HBG1: variants seen among roughly 807,000 people sequenced by gnomAD.
The protein encoded by HBG1 is hemoglobin subunit gamma 1.
A neutral mutation model predicts 5.9 loss-of-function variants in HBG1; 1 was observed. The ratio of observed to expected loss-of-function variants is 0.17; its 90% CI spans 0.06 to 0.81. HBG1 has a LOEUF of 0.81. HBG1 is among the 30% of genes least tolerant of loss of function. The pLI is 0.73. For missense variants in HBG1, 57 were observed against 122.0 expected (o/e 0.47, Z 2.51); for synonymous variants, 19 against 50.5 (o/e 0.38, Z 2.64).
In HBG1 at chr11:5,249,502, C is replaced by T; in HGVS notation, c.181G>A (p.Val61Ile). 1.0e-6 allele frequency: 1 copy of T among 956,336 alleles called. No individual in the cohort carries two copies. The highest frequency in any genetic ancestry group is 1.5e-6 in the Non-Finnish European group (1 of 660,004). 59.2% of individuals were successfully genotyped at this position (956,336 alleles called of 1,614,324 possible). Reference sequence around the variant, plus strand: ...AGCACCTTCTTGCCATGTGCCTTGACTTTGGGGTTGCCCATGATGGCAGAG... The same window carrying T: ...AGCACCTTCTTGCCATGTGCCTTGATTTTGGGGTTGCCCATGATGGCAGAG... ...SASAIMGNPK[V>I]KAHGKKVLTS... The change falls in exon 2 of 3, where the codon GTC (valine) becomes ATC (isoleucine). Residue 61 changes from valine to isoleucine, a missense_variant. Physicochemically the swap from Val to Ile is conservative, Grantham distance 29. Around this residue, in one of 2 missense-constraint regions of HBG1, gnomAD observed 14 missense variants for 77.0 expected, o/e 0.18. Coordinates refer to ENST00000330597, the MANE Select transcript of HBG1 (RefSeq NM_000559.3).
chr11:5,248,327 T>A lies in HBG1; in HGVS notation c.*32A>T, dbSNP rs765956335. The A allele has an allele frequency of 1.9e-6, 3 of 1,612,576 alleles. No individual in the cohort carries two copies. Among genetic ancestry groups the A allele is most frequent in the Non-Finnish European group, 1.7e-6 (2 of 1,178,736 alleles). ...TGTATTGCTTGCAGAATAAAGCCTA[T>A]CCTTGAAAGCTCTGAATCATGGGCA... On this transcript the variant is annotated 3_prime_UTR_variant, in exon 3 of 3. Transcript: ENST00000330597.
At chr11:5,248,826 G>T (rs112655383) in intron 2 of HBG1, among the ~76,000 whole-genome samples, 1 of 150,402 alleles carries the variant, frequency 6.6e-6, no homozygotes, top group Middle Eastern at 3.4e-3. Context: ...ATCTACTCCA[G>T]CCCAAATGTT....
chr11:5,249,291 G>GTGC (rs1161917750), intron 2 of HBG1, 77 bp downstream of exon 2: 1 of 815,754 alleles, frequency 1.2e-6, no homozygotes, highest in East Asian at 2.7e-5. Context: ...ACACCCTGCT[G>GTGC]TGCTCAGATC....
intron 2 of HBG1, 136 bp from the exon 3 acceptor site, chr11:5,248,623 GC>G: frequency 8.6e-7 from 1 of 1,168,098 alleles, no homozygotes; most frequent in Admixed American, 1.9e-5. Context: ...CTGAGATTTT[GC>G]CTTCCCATTA....
chr11:5,248,730 G>A (rs1486695692), intron 2 of HBG1, among the ~76,000 whole-genome samples: 3 of 151,000 alleles, frequency 2.0e-5, no homozygotes, highest in Non-Finnish European at 4.4e-5. Context: ...GTTGTAGGCT[G>A]AAGACGTTAA....
chr11:5,248,851 C>G (rs1308374815), intron 2 of HBG1, among the ~76,000 whole-genome samples: 1 of 150,532 alleles, frequency 6.6e-6, no homozygotes, highest in Non-Finnish European at 1.5e-5. Flanking sequence ...TTGTTCCTCA[C>G]CCCTGGACAT....
intron 2 of HBG1, among the ~76,000 whole-genome samples, chr11:5,248,770 ACG>A (rs1222191441): frequency 0.15 from 13,835 of 90,652 alleles, 2,158 homozygotes; most frequent in African/African-American, 0.4. Context: ...ACACACACAC[ACG>A]CGCGCGCGCA....
At position 5,248,469 on chromosome 11, in the gene HBG1, C is replaced by T. The variant is rs1308061586; in HGVS notation, c.334G>A (p.Val112Met). 7 of 1,613,068 alleles carry T rather than the reference C, an allele frequency of 4.3e-6. No individual in the cohort carries two copies. The South Asian group carries it at 7.7e-5, about 18-fold the overall frequency. ...ENFKLLGNVL[V>M]TVLAIHFGKE... is the part of the protein sequence containing the mutation. ...CCGAAATGGATTGCCAAAACGGTCACCAGCACATTTCCCAGGAGCTGTTGA... is the reference window on the plus strand; with the variant it reads ...CCGAAATGGATTGCCAAAACGGTCATCAGCACATTTCCCAGGAGCTGTTGA... The change falls in exon 3 of 3, where the codon GTG (valine) becomes ATG (methionine). Residue 112 changes from valine to methionine, a missense_variant. This residue lies in a region of HBG1 where 43 missense variants were observed against 44.9 expected (regional missense o/e 0.96). Coordinates refer to ENST00000330597, the MANE Select transcript of HBG1 (RefSeq NM_000559.3).
At chr11:5,248,782 A>ACACACACACACACGCGCGCGCGCG (rs1847912766) in intron 2 of HBG1, among the ~76,000 whole-genome samples, 1 of 146,242 alleles carries the variant, frequency 6.8e-6, no homozygotes, top group African/African-American at 2.6e-5. Flanking sequence ...GCGCGCGCGC[A>ACACACACACACACGCGCGCGCGCG]CACACACACA....
intron 2 of HBG1, among the ~76,000 whole-genome samples, chr11:5,248,698 C>T (rs1243057258): frequency 6.6e-6 from 1 of 151,244 alleles, no homozygotes; most frequent in Admixed American, 6.6e-5. Flanking sequence ...TTGCTATCTT[C>T]TTGCCACCAT....
In HBG1 at chr11:5,249,654, G is replaced by A. The variant is rs1271841931; in HGVS notation, c.92+59C>T. ...GCCACAAATCCTGAGAAGCGACCTG[G>A]ACTTTTGCCAGGCACAGGGTCCTTC... On this transcript the variant is annotated intron_variant, in intron 1 of 2. Transcript: ENST00000330597. The A allele has an allele frequency of 2.4e-3, 1,143 of 473,700 alleles. 43 individuals carry two copies. Among genetic ancestry groups the A allele is most frequent in the Middle Eastern group, 9.1e-3 (16 of 1,766 alleles). The allele number at this position is 473,700 out of a possible 1,614,324, so 29.3% of individuals were successfully genotyped here.
Position 5,248,275 on chromosome 11 carries a change from ATC to A in HBG1, c.*82_*83del. On this transcript the variant is annotated 3_prime_UTR_variant, in exon 3 of 3. Coordinates refer to ENST00000330597, the MANE Select transcript of HBG1 (RefSeq NM_000559.3). ...AAAGAGCTGAAGAAAATCATGTGTGATCTCTCAGCAGAATAGATTTATTATTT... is the reference window on the plus strand; with the variant it reads ...AAAGAGCTGAAGAAAATCATGTGTGATCTCAGCAGAATAGATTTATTATTT... 6.4e-7 allele frequency: 1 copy of A among 1,561,444 alleles called. No homozygotes were observed. The highest frequency in any genetic ancestry group is 8.8e-7 in the Non-Finnish European group (1 of 1,134,050).
chr11:5,248,647 T>A (rs1170989145), intron 2 of HBG1, among the ~76,000 whole-genome samples, 160 bp from the exon 3 acceptor site: 1 of 149,948 alleles, frequency 6.7e-6, no homozygotes, highest in Non-Finnish European at 1.5e-5. Flanking sequence ...TGCAGGTAGT[T>A]GTTCCCCTTC....
At chr11:5,249,163 A>G (rs59374378) in intron 2 of HBG1, among the ~76,000 whole-genome samples, 12,376 of 132,566 alleles carry the variant, frequency 0.093, 3,757 homozygotes, top group African/African-American at 0.33. Flanking sequence ...CAAAGTCAAA[A>G]TTGTCCATCT....
chr11:5,248,651 C>G (rs1459988937), intron 2 of HBG1, among the ~76,000 whole-genome samples, 164 bp from the exon 3 acceptor site: 5 of 149,876 alleles, frequency 3.3e-5, no homozygotes, highest in South Asian at 2.1e-4. Flanking sequence ...GGTAGTTGTT[C>G]CCCTTCAAGC....
At chr11:5,248,774 G>GCA (rs1468123637) in intron 2 of HBG1, among the ~76,000 whole-genome samples, 1 of 85,256 alleles carries the variant, frequency 1.2e-5, no homozygotes, top group African/African-American at 3.7e-5. Flanking sequence ...ACACACACGC[G>GCA]CGCGCGCACA....
Position 5,248,446 on chromosome 11 carries a change from G to A in HBG1, c.357C>T (p.Phe119=), listed in dbSNP as rs374656432. ...GCACCTCAGGGGTGAATTCTTTGCC[G>A]AAATGGATTGCCAAAACGGTCACCA... ...NVLVTVLAIH[F]GKEFTPEVQA... is the part of the protein sequence containing the mutation. Residue 119 remains phenylalanine, a synonymous_variant, in exon 3 of 3, where the codon TTC becomes TTT. Coordinates refer to ENST00000330597, the MANE Select transcript of HBG1 (RefSeq NM_000559.3). The A allele has an allele frequency of 2.4e-5, 39 of 1,613,508 alleles. No individual in the cohort carries two copies. Among genetic ancestry groups the A allele is most frequent in the Admixed American group, 3.3e-5 (2 of 59,986 alleles).
rs745312436 is a variant in HBG1 at position 5,249,327 on chromosome 11, G to A, written c.315+41C>T. On this transcript the variant is annotated intron_variant, in intron 2 of 2. Coordinates refer to ENST00000330597, the MANE Select transcript of HBG1 (RefSeq NM_000559.3). ...AATACTCCGTTGTCTAAGTTGCCTC[G>A]AGACTAAAGGCAACAGGGCTGAAAC... is the stretch of plus-strand genomic sequence containing the variant. 26 of 1,007,556 alleles carry A rather than the reference G, an allele frequency of 2.6e-5. 4 individuals are homozygous for A. Among genetic ancestry groups the A allele is most frequent in the African/African-American group, 5.4e-5 (3 of 55,686 alleles). 62.4% of individuals were successfully genotyped at this position (1,007,556 alleles called of 1,614,324 possible). A position where few individuals can be genotyped will look rare whatever the true frequency, so the allele number is the denominator to read the frequency against.
chr11:5,249,622 A>G, intron 1 of HBG1, 32 bp from the exon 2 acceptor site: 1 of 625,402 alleles, frequency 1.6e-6, no homozygotes, highest in South Asian at 2.0e-5. Context: ...TTTGACAGTC[A>G]GAAGGTGCCA....
Sources: allele counts gnomAD v4.1 joint callset (sites outside exome capture counted in the v4.1 genomes callset), GRCh38; gene constraint gnomAD v4.1.1; regional missense constraint gnomAD v4.1.1; transcripts MANE v1.5; gene names NCBI Gene and HGNC (gene_info 2026-07-23, HGNC 2026-07-21).